Variants in DTD1 observed in about 807,000 individuals in gnomAD.
DTD1 encodes the protein D-tyrosyl-tRNA deacylase 1 homolog.
A neutral mutation model predicts 25.6 loss-of-function variants in DTD1; 13 were observed. That is an observed-to-expected ratio of 0.51 (90% CI 0.33 to 0.81). The LOEUF (loss-of-function observed/expected upper bound fraction) is 0.81. Among genes scored for constraint, DTD1 ranks in the 30% least tolerant of loss-of-function variants. DTD1 has a pLI of 0.02. For synonymous variants in DTD1, 110 were observed against 103.6 expected (o/e 1.06, Z -0.37); for missense variants, 193 against 266.4 (o/e 0.72, Z 1.92).
chr20:18,601,455 C>T (rs373992067), intron 3 of DTD1, among the ~76,000 whole-genome samples: 64 of 148,622 alleles, frequency 4.3e-4, no homozygotes, highest in Middle Eastern at 3.5e-3. Flanking sequence ...GCCGAGATTA[C>T]GCCACTGTAC....
chr20:18,650,242 A>G (rs912520605), intron 4 of DTD1, among the ~76,000 whole-genome samples: 1 of 152,152 alleles, frequency 6.6e-6, no homozygotes, highest in African/African-American at 2.4e-5. Context: ...ACAAAAACGA[A>G]CACAAAAACA....
intron 4 of DTD1, among the ~76,000 whole-genome samples, chr20:18,669,562 A>G (rs2060944358): frequency 6.6e-6 from 1 of 151,920 alleles, no homozygotes; most frequent in Admixed American, 6.6e-5. Flanking sequence ...GTTCATCCAC[A>G]TCTTGGTGAT....
chr20:18,593,737 G>A lies in DTD1; in HGVS notation c.50G>A (p.Gly17Glu). 1 of 1,613,844 alleles carries A rather than the reference G, an allele frequency of 6.2e-7. No individual in the cohort carries two copies. The highest frequency in any genetic ancestry group is 1.1e-5 in the South Asian group (1 of 91,062). The change falls in exon 2 of 6, where the codon GGA becomes GAA. Residue 17 changes from glycine to glutamate, a missense_variant. Gly to Glu is a moderately conservative substitution (Grantham distance 98). Coordinates refer to ENST00000377452, the MANE Select transcript of DTD1 (RefSeq NM_080820.6). ...CCTTTTGGTTCCTTTCTAGTTGGAGGAGAGCAGATTAGTGCCATTGGAAGG... is the reference window on the plus strand; with the variant it reads ...CCTTTTGGTTCCTTTCTAGTTGGAGAAGAGCAGATTAGTGCCATTGGAAGG... ...RVTRASVTVGGEQISAIGRGI... is the reference protein window; with the variant it reads ...RVTRASVTVGEEQISAIGRGI...
chr20:18,607,004 C>T (rs2060662222), intron 3 of DTD1, among the ~76,000 whole-genome samples: 1 of 151,164 alleles, frequency 6.6e-6, no homozygotes. Context: ...CATGCTTTTT[C>T]TGTGTTTATG....
chr20:18,593,420 C>A (rs2122240472), intron 1 of DTD1, among the ~76,000 whole-genome samples: 1 of 152,158 alleles, frequency 6.6e-6, no homozygotes, highest in East Asian at 1.9e-4. Context: ...TATAGATGGG[C>A]AAACTTGACC....
chr20:18,640,139 T>A (rs2122334631), intron 4 of DTD1, among the ~76,000 whole-genome samples: 1 of 151,664 alleles, frequency 6.6e-6, no homozygotes, highest in East Asian at 1.9e-4. Flanking sequence ...AATTACTACT[T>A]GAAAAAAAAT....
intron 4 of DTD1, among the ~76,000 whole-genome samples, chr20:18,731,723 C>T (rs1036690116): frequency 6.6e-6 from 1 of 152,170 alleles, no homozygotes; most frequent in African/African-American, 2.4e-5. Flanking sequence ...ATTGTTATGT[C>T]ATTATTTTTA....
intron 4 of DTD1, among the ~76,000 whole-genome samples, chr20:18,691,600 G>A (rs1314589301): frequency 6.6e-6 from 1 of 152,152 alleles, no homozygotes; most frequent in Non-Finnish European, 1.5e-5. Flanking sequence ...GCAGACACTG[G>A]AGACTACTAG....
At position 18,643,241 on chromosome 20, in the gene DTD1, G is replaced by C. The variant is rs140919240; in HGVS notation, c.477+15008G>C. ...GGAGCACCAATTTATTTAGCAATTT[G>C]TTCTCTGGAATCAATCCCAGGGTAT... On this transcript the variant is annotated intron_variant, in intron 4 of 5. Coordinates refer to ENST00000377452, the MANE Select transcript of DTD1 (RefSeq NM_080820.6). The C allele has an allele frequency of 2.8e-3, 892 of 314,456 alleles. 9 individuals carry two copies. Among genetic ancestry groups the C allele is most frequent in the African/African-American group, 0.018 (828 of 45,498 alleles). 19.5% of individuals were successfully genotyped at this position (314,456 alleles called of 1,614,324 possible). A position where few individuals can be genotyped will look rare whatever the true frequency, so the allele number is the denominator to read the frequency against.
intron 4 of DTD1, among the ~76,000 whole-genome samples, chr20:18,728,707 G>A (rs532669747): frequency 6.6e-6 from 1 of 152,272 alleles, no homozygotes; most frequent in East Asian, 1.9e-4. Flanking sequence ...CACAAGAGCA[G>A]CTGTTGAGGC....
chr20:18,680,852 A>C (rs1389590092), intron 4 of DTD1, among the ~76,000 whole-genome samples: 1 of 152,124 alleles, frequency 6.6e-6, no homozygotes, highest in African/African-American at 2.4e-5. Context: ...GTGTCATCTT[A>C]AAATGGTTCC....
intron 4 of DTD1, among the ~76,000 whole-genome samples, chr20:18,716,515 G>A (rs1336098342): frequency 1.3e-5 from 2 of 152,174 alleles, no homozygotes; most frequent in Non-Finnish European, 2.9e-5. Context: ...CTCACAGAAG[G>A]AGTAAATCTA....
intron 4 of DTD1, among the ~76,000 whole-genome samples, chr20:18,705,273 A>G (rs947641815): frequency 2.6e-5 from 4 of 152,136 alleles, no homozygotes; most frequent in Non-Finnish European, 2.9e-5. Context: ...CAAATTAACA[A>G]TTGGTAATTT....
rs138493608 is a variant in DTD1 at position 18,720,515 on chromosome 20, G to T, written c.478-23585G>T. ...CAAATGCATCTCTGTTGCATTTGTA[G>T]TGTTTTTATCAGCAGATTCTTATTT... is the stretch of plus-strand genomic sequence containing the variant. On this transcript the variant is annotated intron_variant, in intron 4 of 5. Transcript: ENST00000377452. 9.0e-3 allele frequency among the ~76,000 whole-genome samples: 1,371 copies of T among 152,198 alleles called. 25 individuals carry two copies. The highest frequency in any genetic ancestry group is 0.031 in the African/African-American group (1,308 of 41,532).
At chr20:18,712,450 A>G (rs1383021232) in intron 4 of DTD1, among the ~76,000 whole-genome samples, 1 of 152,052 alleles carries the variant, frequency 6.6e-6, no homozygotes, top group Non-Finnish European at 1.5e-5. Flanking sequence ...CCATGATCAG[A>G]TGTCAGCAAG....
chr20:18,601,257 T>TG (rs1391238091), intron 3 of DTD1, among the ~76,000 whole-genome samples: 4 of 152,056 alleles, frequency 2.6e-5, no homozygotes, highest in Non-Finnish European at 1.5e-5. Context: ...CCCAGCGCTT[T>TG]GGGAAGCCGA....
intron 4 of DTD1, among the ~76,000 whole-genome samples, chr20:18,647,034 C>T (rs1278095666): frequency 2.6e-5 from 4 of 152,194 alleles, no homozygotes; most frequent in Non-Finnish European, 4.4e-5. Flanking sequence ...GAAAGGAATT[C>T]CAACTTTCTC....
intron 5 of DTD1, among the ~76,000 whole-genome samples, chr20:18,748,144 A>T (rs963778919): frequency 1.3e-5 from 2 of 151,662 alleles, no homozygotes; most frequent in Admixed American, 6.6e-5. Context: ...AACCAGACCC[A>T]GATTATCAAG....
chr20:18,735,931 A>G (rs2122510621), intron 4 of DTD1, among the ~76,000 whole-genome samples: 1 of 152,204 alleles, frequency 6.6e-6, no homozygotes, highest in African/African-American at 2.4e-5. Flanking sequence ...AAAAGTATGC[A>G]CAGACTCTTT....
Sources: gnomAD v4.1 joint callset for allele counts (sites outside exome capture counted in the v4.1 genomes callset) on GRCh38, gnomAD v4.1.1 for gene constraint, MANE v1.5 for transcripts, NCBI Gene and HGNC (gene_info 2026-07-23, HGNC 2026-07-21) for gene names.